The following AKR1C8 variants were observed in gnomAD, a reference collection of about 807,000 sequenced individuals.
AKR1C8 encodes the protein aldo-keto reductase family 1 member C-like protein 1.
the AKR1C8 span, among the ~76,000 whole-genome samples, chr10:5,158,920 G>A: frequency 3.3e-5 from 5 of 151,850 alleles, no homozygotes; most frequent in African/African-American, 1.2e-4. Flanking sequence ...TTTTCTATTC[G>A]TGTTTGAAAA....
the AKR1C8 span, among the ~76,000 whole-genome samples, chr10:5,177,024 A>T: frequency 6.6e-6 from 1 of 151,810 alleles, no homozygotes; most frequent in African/African-American, 2.4e-5. Context: ...GTTGAATAGG[A>T]GTGGTAAGAG....
chr10:5,147,064 G>A, the AKR1C8 span, among the ~76,000 whole-genome samples: 1 of 152,166 alleles, frequency 6.6e-6, no homozygotes, highest in Non-Finnish European at 1.5e-5. Context: ...GTAGGCCTCT[G>A]GTGAGGGCCC....
chr10:5,147,056 A>G, the AKR1C8 span, among the ~76,000 whole-genome samples: 2 of 152,188 alleles, frequency 1.3e-5, no homozygotes, highest in Non-Finnish European at 2.9e-5. Context: ...GGTATCTGGT[A>G]GGCCTCTGGT....
the AKR1C8 span, chr10:5,154,232 G>T: frequency 6.4e-6 from 3 of 468,088 alleles, no homozygotes; most frequent in Non-Finnish European, 1.3e-5. Flanking sequence ...TTCTGTCAAA[G>T]AGTTTTTCTG....
chr10:5,142,292 C>T, the AKR1C8 span, among the ~76,000 whole-genome samples: 45 of 152,124 alleles, frequency 3.0e-4, no homozygotes, highest in African/African-American at 7.0e-4. Flanking sequence ...CTTCTGTCCA[C>T]GTCATTAAAA....
At chr10:5,123,860 AAC>A in the AKR1C8 span, 1 of 1,576,292 alleles carries the variant, frequency 6.3e-7, no homozygotes, top group South Asian at 1.1e-5. Flanking sequence ...GATAATATGA[AAC>A]AGTTATGTTA....
the AKR1C8 span, among the ~76,000 whole-genome samples, chr10:5,128,123 T>C: frequency 6.6e-6 from 1 of 152,186 alleles, no homozygotes; most frequent in African/African-American, 2.4e-5. Context: ...TGAGGTCCTA[T>C]CTTTAGCCTT....
the AKR1C8 span, among the ~76,000 whole-genome samples, chr10:5,117,847 C>T: frequency 1.3e-5 from 2 of 152,268 alleles, no homozygotes; most frequent in South Asian, 2.1e-4. Context: ...TCACTTGTTA[C>T]TGCAGGGAGA....
At chr10:5,175,915 C>A in the AKR1C8 span, among the ~76,000 whole-genome samples, 1 of 152,104 alleles carries the variant, frequency 6.6e-6, no homozygotes, top group East Asian at 1.9e-4. Context: ...AATTTTCTCC[C>A]ATTTCGTAGG....
chr10:5,116,727 G>A, the AKR1C8 span, among the ~76,000 whole-genome samples: 1 of 152,208 alleles, frequency 6.6e-6, no homozygotes, highest in Non-Finnish European at 1.5e-5. Context: ...CCACTGGGAA[G>A]ATTTCCCTTC....
At chr10:5,127,114 A>G in the AKR1C8 span, among the ~76,000 whole-genome samples, 2 of 152,126 alleles carry the variant, frequency 1.3e-5, no homozygotes, top group East Asian at 3.9e-4. Context: ...ATAAATCCAA[A>G]CTAAGATAAA....
chr10:5,163,771 C>T, the AKR1C8 span, among the ~76,000 whole-genome samples: 2 of 152,148 alleles, frequency 1.3e-5, no homozygotes, highest in Non-Finnish European at 2.9e-5. Flanking sequence ...CATAAAAACA[C>T]ATTTGTCCTT....
chr10:5,129,046 T>C, the AKR1C8 span, among the ~76,000 whole-genome samples: 2 of 152,046 alleles, frequency 1.3e-5, no homozygotes, highest in African/African-American at 2.4e-5. Context: ...ACAAGTCTCA[T>C]TAAACTTGAG....
At chr10:5,158,256 G>A in the AKR1C8 span, among the ~76,000 whole-genome samples, 2 of 152,188 alleles carry the variant, frequency 1.3e-5, no homozygotes, top group African/African-American at 2.4e-5. Flanking sequence ...TTCTTTGGGA[G>A]ATAACAAGTT....
the AKR1C8 span, among the ~76,000 whole-genome samples, chr10:5,118,977 C>G: frequency 6.6e-6 from 1 of 152,022 alleles, no homozygotes; most frequent in Non-Finnish European, 1.5e-5. Context: ...AAGTCAGTGC[C>G]CCCTACTTAT....
At chr10:5,158,747 G>A in the AKR1C8 span, 1 of 471,282 alleles carries the variant, frequency 2.1e-6, no homozygotes, top group South Asian at 1.5e-5. Flanking sequence ...CACAATATAT[G>A]AGCCAATAAC....
At chr10:5,164,791 G>A in the AKR1C8 span, among the ~76,000 whole-genome samples, 1,736 of 152,210 alleles carry the variant, frequency 0.011, 36 homozygotes, top group African/African-American at 0.039. Context: ...TTTACTGGCC[G>A]AGGCTACATC....
the AKR1C8 span, among the ~76,000 whole-genome samples, chr10:5,147,157 G>A: frequency 0.031 from 4,793 of 152,164 alleles, 253 homozygotes; most frequent in African/African-American, 0.11. Context: ...AGCAATAGAA[G>A]GCGAGTAAGG....
At chr10:5,180,006 G>A in the AKR1C8 span, among the ~76,000 whole-genome samples, 30,324 of 152,130 alleles carry the variant, frequency 0.2, 3,895 homozygotes, top group East Asian at 0.63. Context: ...GCTTTGTTCC[G>A]TTGCTGGTGA....
Sources: allele counts gnomAD v4.1 joint callset (sites outside exome capture counted in the v4.1 genomes callset), GRCh38; gene constraint gnomAD v4.1.1; transcripts MANE v1.5; gene names NCBI Gene and HGNC (gene_info 2026-07-23, HGNC 2026-07-21).